The following NBEAL1 variants were observed in gnomAD, a reference collection of about 807,000 sequenced individuals.
NBEAL1 encodes neurobeachin-like protein 1.
A neutral mutation model predicts 351.3 loss-of-function variants in NBEAL1; 273 were observed. The ratio of observed to expected loss-of-function variants is 0.78; its 90% CI spans 0.70 to 0.86. NBEAL1 has a LOEUF of 0.86. NBEAL1 is among the 40% of genes least tolerant of loss of function. The probability of loss-of-function intolerance (pLI) is 0.00; values close to 1 mark genes in which losing one functional copy is unlikely to be tolerated. For synonymous variants in NBEAL1, 1,050 were observed against 1,086.4 expected (o/e 0.97, Z 0.66); for missense variants, 2,961 against 3,201.3 (o/e 0.92, Z 1.81).
intron 51 of NBEAL1, among the ~76,000 whole-genome samples, chr2:203,206,662 C>T (rs1306166565): frequency 6.6e-6 from 1 of 151,962 alleles, no homozygotes; most frequent in Non-Finnish European, 1.5e-5. Flanking sequence ...CGCGAGTGAT[C>T]CGCCAGCCTC....
chr2:203,127,401 A>G (rs533956819), intron 23 of NBEAL1, among the ~76,000 whole-genome samples: 1 of 152,310 alleles, frequency 6.6e-6, no homozygotes, highest in South Asian at 2.1e-4. Flanking sequence ...TTTTAACACT[A>G]TGAATTCTTT....
At chr2:203,133,351 G>A (rs183729427) in intron 27 of NBEAL1, among the ~76,000 whole-genome samples, 2 of 151,756 alleles carry the variant, frequency 1.3e-5, no homozygotes, top group Non-Finnish European at 2.9e-5. Context: ...AGTTCTTCGT[G>A]GTCTCCTGCA....
intron 31 of NBEAL1, among the ~76,000 whole-genome samples, chr2:203,140,247 G>A (rs1238819767): frequency 6.6e-6 from 1 of 150,922 alleles, no homozygotes; most frequent in East Asian, 1.9e-4. Flanking sequence ...AGGTTGTGGT[G>A]AGCTGAGATC....
chr2:203,188,678 A>G (rs1034831100), intron 45 of NBEAL1, 89 bp downstream of exon 45: 9 of 682,658 alleles, frequency 1.3e-5, no homozygotes, highest in African/African-American at 1.3e-4. Context: ...CCTATTTAAT[A>G]TCAGAAAGAC....
rs143318653 is a variant in NBEAL1 at position 203,091,661 on chromosome 2, C to T, written c.1099-5886C>T. Reference sequence around the variant, plus strand: ...TGTTTTTTTTCTTTTTTGATAGTGGCTGTCCTAATGGGTATGAGGTAGTAT... The same window carrying T: ...TGTTTTTTTTCTTTTTTGATAGTGGTTGTCCTAATGGGTATGAGGTAGTAT... On this transcript the variant is annotated intron_variant, in intron 10 of 55. Transcript: ENST00000683969. Among the ~76,000 whole-genome samples the T allele has an allele frequency of 2.9e-3, 436 of 152,116 alleles. 1 individual carries two copies. Among genetic ancestry groups the T allele is most frequent in the Non-Finnish European group, 4.8e-3 (325 of 67,988 alleles).
rs1194675275 is a variant in NBEAL1 at position 203,220,888 on chromosome 2, T to C, written c.*3534T>C. Among the ~76,000 whole-genome samples the C allele has an allele frequency of 6.6e-6, 1 of 152,168 alleles. No individual in the cohort carries two copies. Among genetic ancestry groups the C allele is most frequent in the Non-Finnish European group, 1.5e-5 (1 of 68,008 alleles). On this transcript the variant is annotated 3_prime_UTR_variant, in exon 56 of 56. Coordinates refer to ENST00000683969, the MANE Select transcript of NBEAL1 (RefSeq NM_001378026.1). ...TAACAAAATTAAAATCTGTTAACTT[T>C]GTTTAGGTCACAGTGCAGTGCATCC...
intron 43 of NBEAL1, 63 bp from the exon 44 acceptor site, chr2:203,183,212 GTGTT>G (rs2064783652): frequency 2.4e-6 from 2 of 830,062 alleles, no homozygotes; most frequent in African/African-American, 3.4e-5. Context: ...GCCCTCATTA[GTGTT>G]TGTTTTACTT....
At position 203,169,819 on chromosome 2, in the gene NBEAL1, C is replaced by T. The variant is rs769457165; in HGVS notation, c.6070C>T (p.Gln2024Ter). ...TAGTTATTATGGAAGCAGATCACCA[C>T]AGGAGTTATTCAAAGCATCAGGATT... ...PNSYYGSRSP[Q>*]ELFKASGLTQ... The change falls in exon 39 of 56, where the codon CAG becomes TAG. Residue 2024 changes from glutamine to a stop codon, truncating the protein, a stop_gained. Coordinates refer to ENST00000683969, the MANE Select transcript of NBEAL1 (RefSeq NM_001378026.1). LOFTEE classifies it high-confidence loss of function. 11 of 1,608,842 alleles carry T rather than the reference C, an allele frequency of 6.8e-6. No homozygotes were observed. The East Asian group carries it at 2.5e-4, about 36-fold the overall frequency.
chr2:203,140,084 T>C (rs1414488418), intron 31 of NBEAL1, among the ~76,000 whole-genome samples: 2 of 151,896 alleles, frequency 1.3e-5, no homozygotes, highest in African/African-American at 4.8e-5. Context: ...GCGGATCACC[T>C]GAGGTCCGAA....
At chr2:203,193,206 A>G (rs536294437) in intron 46 of NBEAL1, among the ~76,000 whole-genome samples, 16 of 152,024 alleles carry the variant, frequency 1.1e-4, no homozygotes, top group Admixed American at 7.2e-4. Flanking sequence ...TTCTGACCTC[A>G]AGTGATCCGC....
intron 54 of NBEAL1, among the ~76,000 whole-genome samples, chr2:203,211,456 A>T (rs2065787471): frequency 6.6e-6 from 1 of 152,080 alleles, no homozygotes; most frequent in African/African-American, 2.4e-5. Flanking sequence ...ACCTGGGCAC[A>T]TAGCAAGACC....
chr2:203,084,619 G>T, intron 10 of NBEAL1, 50 bp downstream of exon 10: 2 of 1,148,630 alleles, frequency 1.7e-6, no homozygotes, highest in South Asian at 1.6e-5. Flanking sequence ...GCTATTTTTT[G>T]TTTTTGTTTT....
intron 2 of NBEAL1, among the ~76,000 whole-genome samples, chr2:203,037,984 T>C (rs897019376): frequency 6.7e-6 from 1 of 148,990 alleles, no homozygotes; most frequent in Non-Finnish European, 1.5e-5. Context: ...AATAAATACA[T>C]GAATAAATAA....
At chr2:203,083,597 T>G (rs1402006587) in intron 9 of NBEAL1, 72 bp downstream of exon 9, 1 of 1,191,218 alleles carries the variant, frequency 8.4e-7, no homozygotes. Flanking sequence ...TCTTTTGAAA[T>G]ACAAGGCCAT....
At chr2:203,099,583 C>T (rs1289409739) in intron 11 of NBEAL1, 46 bp from the exon 12 acceptor site, 9 of 1,267,838 alleles carry the variant, frequency 7.1e-6, no homozygotes, top group African/African-American at 6.1e-5. Flanking sequence ...CAATAAAAAT[C>T]GTGAGCACAT....
chr2:203,207,286 G>A (rs2065624871), intron 51 of NBEAL1, among the ~76,000 whole-genome samples: 2 of 150,974 alleles, frequency 1.3e-5, no homozygotes, highest in Admixed American at 1.3e-4. Context: ...CAGGAGGGAG[G>A]TGGGGGGGTC....
intron 35 of NBEAL1, among the ~76,000 whole-genome samples, chr2:203,152,803 G>A (rs183265910): frequency 1.5e-4 from 23 of 151,660 alleles, no homozygotes; most frequent in African/African-American, 5.1e-4. Flanking sequence ...TTGGGAGGCC[G>A]CGGCAGCAGA....
At chr2:203,168,877 GA>G (rs1235617743) in intron 38 of NBEAL1, among the ~76,000 whole-genome samples, 1 of 119,046 alleles carries the variant, frequency 8.4e-6, no homozygotes, top group Admixed American at 1.2e-4. Flanking sequence ...CTGGGTGACA[GA>G]GCGAGACTCC....
At chr2:203,211,138 A>G in intron 54 of NBEAL1, 32 bp downstream of exon 54, 2 of 1,448,754 alleles carry the variant, frequency 1.4e-6, no homozygotes, top group East Asian at 2.4e-5. Context: ...AGTATCACTT[A>G]AGAAAAGGGG....
Sources: allele counts gnomAD v4.1 joint callset (sites outside exome capture counted in the v4.1 genomes callset), GRCh38; gene constraint gnomAD v4.1.1; transcripts MANE v1.5; gene names NCBI Gene and HGNC (gene_info 2026-07-23, HGNC 2026-07-21).